Variants in VPS37A observed in about 807,000 individuals in gnomAD.
VPS37A encodes vacuolar protein sorting-associated protein 37A.
In VPS37A, 30 loss-of-function variants were observed where a neutral mutation model predicts 49.8. The observed-to-expected ratio is 0.60, with a 90% CI of 0.45 to 0.82. The LOEUF (loss-of-function observed/expected upper bound fraction) is 0.82, where lower values mean the gene tolerates loss of function less well. Among genes scored for constraint, VPS37A ranks in the 40% least tolerant of loss-of-function variants. The pLI is 0.00. For missense variants in VPS37A, 593 were observed against 464.4 expected (o/e 1.28, Z -2.55); for synonymous variants, 195 against 160.6 (o/e 1.21, Z -1.62).
At chr8:17,304,900 A>C (rs1337589618), downstream of VPS37A, among the ~76,000 whole-genome samples, 1 of 152,136 alleles carries the variant, frequency 6.6e-6, no homozygotes, top group Non-Finnish European at 1.5e-5. Context: ...GCTCTGTCTA[A>C]TTTACAGATG....
At chr8:17,308,569 C>T in the VPS37A span, among the ~76,000 whole-genome samples, 1 of 152,132 alleles carries the variant, frequency 6.6e-6, no homozygotes, top group Non-Finnish European at 1.5e-5. Flanking sequence ...ACTAATGAAA[C>T]TTGCTGCCTA....
chr8:17,249,283 T>G (rs1050977881), intron 1 of VPS37A, among the ~76,000 whole-genome samples: 2 of 152,232 alleles, frequency 1.3e-5, no homozygotes, highest in African/African-American at 2.4e-5. Context: ...CAATTGTTAA[T>G]GTAAAGAGTT....
At chr8:17,320,456 G>C in the VPS37A span, among the ~76,000 whole-genome samples, 1 of 152,148 alleles carries the variant, frequency 6.6e-6, no homozygotes, top group Non-Finnish European at 1.5e-5. Context: ...GCTGAGAAGG[G>C]AGAGCTGGCT....
rs1207226359 is a variant in VPS37A, at chr8:17,297,959, C to G, written c.*2973C>G. 1.3e-5 allele frequency: 2 copies of G among 152,016 alleles called. No homozygotes were observed. The highest frequency in any genetic ancestry group is 2.9e-5 in the Non-Finnish European group (2 of 67,902). The allele number at this position is 152,016 out of a possible 1,614,324, so 9.4% of individuals were successfully genotyped here. A position where few individuals can be genotyped will look rare whatever the true frequency, so the allele number is the denominator to read the frequency against. On this transcript the variant is annotated 3_prime_UTR_variant, in exon 12 of 12. Transcript: ENST00000324849. ...TGGAAGTTGTCATATTAAAAAACTA[C>G]ATTTTAAAACATCAAATATTTATAC...
downstream of VPS37A, among the ~76,000 whole-genome samples, chr8:17,305,163 T>G (rs764576823): frequency 5.3e-5 from 8 of 152,222 alleles, no homozygotes; most frequent in African/African-American, 9.6e-5. Flanking sequence ...TCCATTTCAT[T>G]TGAACTGATC....
chr8:17,302,165 C>A, downstream of VPS37A: 1 of 1,614,096 alleles, frequency 6.2e-7, no homozygotes, highest in South Asian at 1.1e-5. Flanking sequence ...TCTTCCAGGG[C>A]CTCTAGTTCT....
chr8:17,247,747 A>T (rs776879843), intron 1 of VPS37A: 1 of 702,534 alleles, frequency 1.4e-6, no homozygotes, highest in Admixed American at 2.0e-5. Context: ...TTAAAATACA[A>T]TTGTGAAGAG....
At chr8:17,309,344 C>A in the VPS37A span, 224 of 1,526,256 alleles carry the variant, frequency 1.5e-4, 1 homozygote, top group African/African-American at 2.9e-3. Flanking sequence ...AGAAAGAATA[C>A]AAATATCTTG....
chr8:17,299,660 TATATTTGA>T (rs985325054), downstream of VPS37A: 60 of 652,838 alleles, frequency 9.2e-5, no homozygotes, highest in African/African-American at 9.8e-4. Flanking sequence ...TAATTTTCCT[TATATTTGA>T]TAAATGAAAT....
intron 11 of VPS37A, 165 bp downstream of exon 11, chr8:17,286,592 AAACATAT>A (rs1277372804): frequency 2.1e-5 from 12 of 560,266 alleles, no homozygotes; most frequent in Middle Eastern, 8.5e-4. Flanking sequence ...AGCATAATAT[AAACATAT>A]AACTAGTAGA....
Position 17,276,414 on chromosome 8 carries a change from T to G in VPS37A, c.660T>G (p.Phe220Leu). ...TTCTTTAGACAAGCCAAAATGGTTTTGGGTACAAGATGCCAGATGTCCCTG... is the reference window on the plus strand; with the variant it reads ...TTCTTTAGACAAGCCAAAATGGTTTGGGGTACAAGATGCCAGATGTCCCTG... ...DASIPTSQNG[F>L]GYKMPDVPDA... Residue 220 changes from phenylalanine to leucine, a missense_variant, in exon 6 of 12, where the codon TTT (phenylalanine) becomes TTG (leucine). By Grantham distance (22) the Phe-to-Leu change is conservative. Transcript: ENST00000324849. 9 of 1,612,154 alleles carry G rather than the reference T, an allele frequency of 5.6e-6. No individual in the cohort carries two copies. The highest frequency in any genetic ancestry group is 7.6e-6 in the Non-Finnish European group (9 of 1,179,202).
At chr8:17,302,052 G>C (rs1041524197), downstream of VPS37A, 7 of 1,489,620 alleles carry the variant, frequency 4.7e-6, no homozygotes, top group South Asian at 1.2e-5. Flanking sequence ...GACTAAAAAT[G>C]TGAAATATTT....
chr8:17,322,424 C>G, the VPS37A span, among the ~76,000 whole-genome samples: 1 of 152,178 alleles, frequency 6.6e-6, no homozygotes, highest in Non-Finnish European at 1.5e-5. Flanking sequence ...TGTCTAAAGA[C>G]AAATTCACAG....
chr8:17,248,350 C>A (rs758192820), intron 1 of VPS37A: 2 of 455,020 alleles, frequency 4.4e-6, no homozygotes. Context: ...CTGCAACCTC[C>A]GTCTCCCGGA....
chr8:17,304,526 T>A, downstream of VPS37A: 1 of 1,612,496 alleles, frequency 6.2e-7, no homozygotes, highest in Non-Finnish European at 8.5e-7. Context: ...AATCCTGTTA[T>A]AAAGAAAATA....
chr8:17,272,529 T>C (rs1218089967), intron 4 of VPS37A, among the ~76,000 whole-genome samples: 1 of 152,354 alleles, frequency 6.6e-6, no homozygotes, highest in East Asian at 1.9e-4. Flanking sequence ...AGTACCATTA[T>C]TAAAAATCAA....
chr8:17,294,708 C>T (rs889180213), intron 11 of VPS37A, among the ~76,000 whole-genome samples: 1 of 152,182 alleles, frequency 6.6e-6, no homozygotes, highest in African/African-American at 2.4e-5. Flanking sequence ...CTTGCACTTA[C>T]CGGGTGAGGC....
At chr8:17,272,852 T>C (rs559179117) in intron 4 of VPS37A, among the ~76,000 whole-genome samples, 1 of 87,906 alleles carries the variant, frequency 1.1e-5, no homozygotes, top group African/African-American at 8.3e-5. Flanking sequence ...AAAATCTCCG[T>C]GTCACTTTTT....
In VPS37A at chr8:17,276,428, C is replaced by A. The variant is rs1178860309; in HGVS notation, c.674C>A (p.Pro225Gln). The part of the protein sequence containing the change: ...TSQNGFGYKM[P>Q]DVPDAFPELS... ...CAAAATGGTTTTGGGTACAAGATGC[C>A]AGATGTCCCTGATGCATTTCCAGAA... The change falls in exon 6 of 12, where the codon CCA (proline) becomes CAA (glutamine). Residue 225 changes from proline to glutamine, a missense_variant. Coordinates refer to ENST00000324849, the MANE Select transcript of VPS37A (RefSeq NM_152415.3). 6.2e-7 allele frequency: 1 copy of A among 1,611,568 alleles called. No homozygotes were observed. The highest frequency in any genetic ancestry group is 8.5e-7 in the Non-Finnish European group (1 of 1,178,890).
Sources: allele counts gnomAD v4.1 joint callset (sites outside exome capture counted in the v4.1 genomes callset), GRCh38; gene constraint gnomAD v4.1.1; transcripts MANE v1.5; gene names NCBI Gene and HGNC (gene_info 2026-07-23, HGNC 2026-07-21).